INPP5A: variants seen among roughly 807,000 people sequenced by gnomAD.
INPP5A encodes 43 kDa inositol polyphosphate 5-phophatase.
Under a neutral mutation model 65.2 loss-of-function variants are expected in INPP5A, and 14 were observed. That is an observed-to-expected ratio of 0.21 (90% CI 0.14 to 0.34). The LOEUF (loss-of-function observed/expected upper bound fraction) is 0.34, where lower values mean the gene tolerates loss of function less well. INPP5A is among the 10% of genes least tolerant of loss of function. The pLI, the probability that INPP5A is intolerant of heterozygous loss-of-function variation, is 1.00. For missense variants in INPP5A, 431 were observed against 545.6 expected, an observed-to-expected ratio of 0.79 and a Z score of 2.09; for synonymous variants, 207 against 208.3, an observed-to-expected ratio of 0.99 and a Z score of 0.05.
chr10:132,688,402 C>A (rs1219670026), intron 4 of INPP5A, among the ~76,000 whole-genome samples: 1 of 152,196 alleles, frequency 6.6e-6, no homozygotes, highest in Non-Finnish European at 1.5e-5. Flanking sequence ...ACTGCAGAGC[C>A]TGAAGTGTGT....
At chr10:132,726,646 G>A (rs933726128) in intron 8 of INPP5A, among the ~76,000 whole-genome samples, 175 bp from the exon 9 acceptor site, 1 of 152,138 alleles carries the variant, frequency 6.6e-6, no homozygotes, top group African/African-American at 2.4e-5. Context: ...ACCTCTATTG[G>A]GGGTGGTCTC....
chr10:132,650,452 A>G lies in INPP5A; in HGVS notation c.253A>G (p.Asn85Asp). 1.9e-6 allele frequency: 3 copies of G among 1,613,932 alleles called. No individual in the cohort carries two copies. The highest frequency in any genetic ancestry group is 2.5e-6 in the Non-Finnish European group (3 of 1,179,852). ...LLSSDAMKEYNRARVYLDENY... is the reference protein window; with the variant it reads ...LLSSDAMKEYDRARVYLDENY... The stretch of plus-strand genomic sequence containing the variant: ...GTCGAGTGATGCGATGAAAGAATAT[A>G]ACAGGGCTCGAGTCTACCTGGATGA... Residue 85 changes from asparagine (N) to aspartate (D), a missense_variant, in exon 4 of 16, where the codon AAC becomes GAC. Asn to Asp is a conservative substitution (Grantham distance 23, BLOSUM62 1). Coordinates refer to ENST00000368594, the MANE Select transcript of INPP5A (RefSeq NM_005539.5). This position sits in a 1 kb window ranked among gnomAD's most constrained non-coding sequence, Gnocchi z 5.5.
chr10:132,683,092 C>T (rs1258269133), intron 4 of INPP5A, among the ~76,000 whole-genome samples: 1 of 147,652 alleles, frequency 6.8e-6, no homozygotes, highest in South Asian at 2.2e-4. Flanking sequence ...TCCACGTGCA[C>T]ACGTGTGTGT....
rs2072938325 is a variant in INPP5A, at chr10:132,674,582, A to G, written c.307-15810A>G. Among the ~76,000 whole-genome samples the G allele has an allele frequency of 6.6e-6, 1 of 152,108 alleles. No homozygotes were observed. The highest frequency in any genetic ancestry group is 1.5e-5 in the Non-Finnish European group (1 of 68,008). ...AGAAGGGAGGGTGGCGGGAGTGGAG[A>G]CCATGGGCATTTGAGCCACGTCGTC... On this transcript the variant is annotated intron_variant, in intron 4 of 15. Transcript: ENST00000368594. The surrounding 1 kb of genome is among the most constrained non-coding windows in gnomAD (Gnocchi z 4.4).
At position 132,640,340 on chromosome 10, in the gene INPP5A, T is replaced by G. The variant is rs577805157; in HGVS notation, c.118-5528T>G. Among the ~76,000 whole-genome samples the G allele has an allele frequency of 7.2e-5, 11 of 152,378 alleles. No individual in the cohort carries two copies. In the South Asian group the frequency reaches 2.3e-3, roughly 32 times the overall value. The stretch of plus-strand genomic sequence containing the variant: ...TGGGGTTATTGGAGACTCAAGCGGC[T>G]TCATACACAGACTTAGGGTTCCCTC... On this transcript the variant is annotated intron_variant, in intron 2 of 15. Coordinates refer to ENST00000368594, the MANE Select transcript of INPP5A (RefSeq NM_005539.5).
At chr10:132,607,276 G>A (rs1378960304) in intron 1 of INPP5A, among the ~76,000 whole-genome samples, 36 of 152,208 alleles carry the variant, frequency 2.4e-4, no homozygotes, top group Admixed American at 2.3e-3. Flanking sequence ...CTGGGGCCTG[G>A]GTCTCTGGCG....
At chr10:132,542,239 C>T (rs114917205) in intron 1 of INPP5A, among the ~76,000 whole-genome samples, 5 of 152,346 alleles carry the variant, frequency 3.3e-5, no homozygotes, top group East Asian at 1.9e-4. Flanking sequence ...AGTCAGCTCC[C>T]GGGCAGCCCT....
At chr10:132,715,601 C>A (rs1405884424) in intron 8 of INPP5A, among the ~76,000 whole-genome samples, 1 of 152,194 alleles carries the variant, frequency 6.6e-6, no homozygotes, top group Non-Finnish European at 1.5e-5. Flanking sequence ...CTCAAAGAGC[C>A]CCCAACCTAA....
Position 132,745,853 on chromosome 10 carries a change from C to T in INPP5A, c.733-3664C>T, listed in dbSNP as rs112851898. 6.4e-3 allele frequency among the ~76,000 whole-genome samples: 939 copies of T among 145,752 alleles called. 3 individuals are homozygous for T. Among genetic ancestry groups the T allele is most frequent in the African/African-American group, 0.023 (901 of 39,162 alleles). ...TGGGCCTGGGCATGGTGGGCCCGGC[C>T]ATGGTGGCCTCGGGTGTGGTGGGCC... On this transcript the variant is annotated intron_variant, in intron 9 of 15. Transcript: ENST00000368594.
chr10:132,619,647 C>T (rs954246151), intron 2 of INPP5A, among the ~76,000 whole-genome samples: 1 of 152,162 alleles, frequency 6.6e-6, no homozygotes, highest in Non-Finnish European at 1.5e-5. Flanking sequence ...AGGGCTGCAC[C>T]CCTGCAGCAG....
intron 11 of INPP5A, among the ~76,000 whole-genome samples, chr10:132,751,855 CAGGAGGTCTCTGGATGGAGGCGGGTGCCT>C (rs796419362): frequency 2.8e-4 from 41 of 145,070 alleles, no homozygotes; most frequent in Admixed American, 4.8e-4. Context: ...GGCGGGTGCC[CAGGAGGTCTCTGGATGGAGGCGGGTGCCT>C]AGGAGGTGTC....
intron 4 of INPP5A, among the ~76,000 whole-genome samples, chr10:132,652,846 G>T (rs116896898): frequency 6.6e-6 from 1 of 152,192 alleles, no homozygotes; most frequent in African/African-American, 2.4e-5. Context: ...GATGATAAGG[G>T]GTCAGCTTTT....
chr10:132,748,579 A>T (rs7902043), intron 9 of INPP5A, among the ~76,000 whole-genome samples: 2,422 of 152,292 alleles, frequency 0.016, 69 homozygotes, highest in African/African-American at 0.054. Flanking sequence ...ACCCTCAGTG[A>T]CCATTCCCTG....
At chr10:132,757,777 CTGA>C (rs1846653811) in intron 11 of INPP5A, among the ~76,000 whole-genome samples, 1 of 134,070 alleles carries the variant, frequency 7.5e-6, no homozygotes, top group Non-Finnish European at 1.7e-5. Flanking sequence ...GGGTCCCTGG[CTGA>C]CCCCACAGCC....
intron 4 of INPP5A, among the ~76,000 whole-genome samples, chr10:132,689,654 C>T (rs942262072): frequency 5.9e-5 from 9 of 152,212 alleles, no homozygotes; most frequent in African/African-American, 9.7e-5. Context: ...CATGTCAGTA[C>T]GAACACACTG....
Position 132,697,180 on chromosome 10 carries a change from G to C in INPP5A, c.371-636G>C, listed in dbSNP as rs939682023. ...TGAGGAATGGATCCCTGCCATCCTT[G>C]ATCACACCCCACCTTGGGTGTGGAG... On this transcript the variant is annotated intron_variant, in intron 5 of 15. Transcript: ENST00000368594. The surrounding 1 kb of genome is among the most constrained non-coding windows in gnomAD (Gnocchi z 5.6). Among the ~76,000 whole-genome samples the C allele has an allele frequency of 2.6e-4, 40 of 152,246 alleles. No homozygotes were observed. The highest frequency in any genetic ancestry group is 4.8e-4 in the Non-Finnish European group (33 of 68,050).
At chr10:132,702,227 G>A (rs1845449107) in intron 6 of INPP5A, among the ~76,000 whole-genome samples, 1 of 152,180 alleles carries the variant, frequency 6.6e-6, no homozygotes, top group Admixed American at 6.5e-5. Context: ...AATTTTCTGA[G>A]ATTCATTTGC....
intron 8 of INPP5A, among the ~76,000 whole-genome samples, chr10:132,719,367 A>T (rs1291990903): frequency 1.4e-5 from 2 of 146,630 alleles, no homozygotes; most frequent in South Asian, 2.2e-4. Flanking sequence ...GGCGCCTTAG[A>T]CGGCTGTCTT....
chr10:132,734,391 A>G (rs1464313310), intron 9 of INPP5A, among the ~76,000 whole-genome samples: 4 of 152,218 alleles, frequency 2.6e-5, no homozygotes, highest in Non-Finnish European at 5.9e-5. Context: ...ACTGTGGTCC[A>G]GCCTCCAGTG....
Sources: gnomAD v4.1 joint callset for allele counts (sites outside exome capture counted in the v4.1 genomes callset) on GRCh38, gnomAD v4.1.1 for gene constraint, Gnocchi (gnomAD v3.1) non-coding constraint, MANE v1.5 for transcripts, NCBI Gene and HGNC (gene_info 2026-07-23, HGNC 2026-07-21) for gene names.